The following SLC7A1 variants were observed in gnomAD, a reference collection of about 807,000 sequenced individuals.
SLC7A1 encodes the protein high affinity cationic amino acid transporter 1.
A neutral mutation model predicts 53.9 loss-of-function variants in SLC7A1; 10 were observed. That is an observed-to-expected ratio of 0.19 (90% CI 0.11 to 0.31). The LOEUF (loss-of-function observed/expected upper bound fraction) is 0.31, where lower values mean the gene tolerates loss of function less well. Among genes scored for constraint, SLC7A1 ranks in the 10% least tolerant of loss-of-function variants. The pLI is 1.00. For synonymous variants in SLC7A1, 342 were observed against 338.7 expected (o/e 1.01, Z -0.11); for missense variants, 525 against 827.2 (o/e 0.63, Z 4.48).
chr13:29,515,575 A>C (rs1883528424), intron 12 of SLC7A1, among the ~76,000 whole-genome samples: 1 of 152,166 alleles, frequency 6.6e-6, no homozygotes, highest in Non-Finnish European at 1.5e-5. Context: ...CAGCACTATG[A>C]CTCAGATGCT....
intron 3 of SLC7A1, among the ~76,000 whole-genome samples, chr13:29,533,695 G>A (rs144453591): frequency 0.026 from 3,926 of 152,180 alleles, 87 homozygotes; most frequent in Non-Finnish European, 0.038. Flanking sequence ...ACCCTCCGGT[G>A]CCGAAGAACA....
At chr13:29,561,630 A>G (rs1870761518) in intron 1 of SLC7A1, among the ~76,000 whole-genome samples, 1 of 152,200 alleles carries the variant, frequency 6.6e-6, no homozygotes, top group African/African-American at 2.4e-5. Flanking sequence ...AGACTGAAAT[A>G]ACTTTTCTGT....
chr13:29,546,884 C>A (rs1427354792), intron 2 of SLC7A1, among the ~76,000 whole-genome samples: 2 of 152,228 alleles, frequency 1.3e-5, no homozygotes, highest in Non-Finnish European at 2.9e-5. Flanking sequence ...CCACGCCACA[C>A]ACATGCACTG....
At chr13:29,578,867 T>G (rs1871523398) in intron 1 of SLC7A1, among the ~76,000 whole-genome samples, 1 of 152,216 alleles carries the variant, frequency 6.6e-6, no homozygotes, top group South Asian at 2.1e-4. Context: ...GCCCTGCCCT[T>G]CTCTCCGCAG....
intron 1 of SLC7A1, among the ~76,000 whole-genome samples, chr13:29,574,504 C>T (rs561325571): frequency 3.3e-5 from 5 of 152,332 alleles, no homozygotes; most frequent in African/African-American, 1.2e-4. Flanking sequence ...CACCCAATAC[C>T]TGTGGAACAC....
chr13:29,527,038 C>T (rs1868925176), intron 5 of SLC7A1, among the ~76,000 whole-genome samples: 1 of 150,264 alleles, frequency 6.7e-6, no homozygotes, highest in Non-Finnish European at 1.5e-5. Flanking sequence ...GTGCCGGGAC[C>T]CTGGGCAACC....
Position 29,512,322 on chromosome 13 carries a change from G to A in SLC7A1, c.*2158C>T, listed in dbSNP as rs905656065. The A allele has an allele frequency of 4.6e-5, 7 of 152,218 alleles. No homozygotes were observed. Among genetic ancestry groups the A allele is most frequent in the Non-Finnish European group, 1.0e-4 (7 of 68,054 alleles). 9.4% of individuals were successfully genotyped at this position (152,218 alleles called of 1,614,324 possible). On this transcript the variant is annotated 3_prime_UTR_variant, in exon 13 of 13. Coordinates refer to ENST00000380752, the MANE Select transcript of SLC7A1 (RefSeq NM_003045.5). ...CTCCCAGCTGTCAGCACGCTGTCAT[G>A]ATGAGACTTGGAGCAGGGGAGACGC... is the stretch of plus-strand genomic sequence containing the variant.
At chr13:29,581,626 G>C (rs573232301) in intron 1 of SLC7A1, among the ~76,000 whole-genome samples, 2 of 152,300 alleles carry the variant, frequency 1.3e-5, no homozygotes, top group Admixed American at 1.3e-4. Context: ...TGGCATTCTG[G>C]TTTAAGGTCT....
At chr13:29,555,923 T>C (rs1348102733) in intron 1 of SLC7A1, among the ~76,000 whole-genome samples, 1 of 152,190 alleles carries the variant, frequency 6.6e-6, no homozygotes, top group African/African-American at 2.4e-5. Context: ...GAATCCTAAA[T>C]GTGCAGACTG....
chr13:29,557,515 C>G (rs984574136), intron 1 of SLC7A1, among the ~76,000 whole-genome samples: 1 of 151,928 alleles, frequency 6.6e-6, no homozygotes, highest in Non-Finnish European at 1.5e-5. Flanking sequence ...AGGCAACAGT[C>G]ACACAATGGT....
At chr13:29,566,770 T>C (rs1779065733) in intron 1 of SLC7A1, among the ~76,000 whole-genome samples, 1 of 152,238 alleles carries the variant, frequency 6.6e-6, no homozygotes, top group Admixed American at 6.5e-5. Flanking sequence ...ATCAGATTTA[T>C]AAAACTATTT....
intron 1 of SLC7A1, among the ~76,000 whole-genome samples, chr13:29,560,316 T>C (rs1245236731): frequency 2.0e-5 from 3 of 152,220 alleles, no homozygotes; most frequent in South Asian, 2.1e-4. Context: ...GTGATAACAA[T>C]GCCTTCTTCT....
rs759758449 is a variant in SLC7A1, at chr13:29,519,476, C to T, written c.1263G>A (p.Ser421=). The change falls in exon 9 of 13, where the codon TCG becomes TCA. Residue 421 remains serine (S), a synonymous_variant. Transcript: ENST00000380752. ...LMSIGTLLAY[S]LVAACVLVLR... ...AGACCAACACACAGGCAGCCACCAACGAGTAAGCCAGGAGAGTGCCAATGG... is the reference window on the plus strand; with the variant it reads ...AGACCAACACACAGGCAGCCACCAATGAGTAAGCCAGGAGAGTGCCAATGG... 40 of 1,613,268 alleles carry T rather than the reference C, an allele frequency of 2.5e-5. No homozygotes were observed. The highest frequency in any genetic ancestry group is 3.3e-5 in the Non-Finnish European group (39 of 1,179,440).
At chr13:29,585,490 A>G (rs1430811967) in intron 1 of SLC7A1, among the ~76,000 whole-genome samples, 1 of 152,204 alleles carries the variant, frequency 6.6e-6, no homozygotes, top group African/African-American at 2.4e-5. Context: ...CTATATATCA[A>G]TATGTGTGCC....
intron 5 of SLC7A1, among the ~76,000 whole-genome samples, chr13:29,528,789 G>A (rs1435458231): frequency 6.6e-6 from 1 of 152,190 alleles, no homozygotes; most frequent in Non-Finnish European, 1.5e-5. Flanking sequence ...AGCTAAGGGG[G>A]CCCCACCTAT....
At chr13:29,545,979 G>T (rs923551836) in intron 2 of SLC7A1, among the ~76,000 whole-genome samples, 3 of 152,224 alleles carry the variant, frequency 2.0e-5, no homozygotes, top group Non-Finnish European at 4.4e-5. Flanking sequence ...TTCATCAGGA[G>T]AGACGCCCAC....
chr13:29,522,424 A>G lies in SLC7A1; in HGVS notation c.1082T>C (p.Val361Ala), dbSNP rs963940936. The change falls in exon 8 of 13, where the codon GTT becomes GCT. Residue 361 changes from valine to alanine, a missense_variant. Physicochemically the swap from Val to Ala is moderately conservative, Grantham distance 64. Coordinates refer to ENST00000380752, the MANE Select transcript of SLC7A1 (RefSeq NM_003045.5). The part of the protein sequence containing the change: ...LLGSMFPMPR[V>A]IYAMAEDGLL... Reference sequence around the variant, plus strand: ...TCCATCCTCAGCCATGGCATAGATAACCCGAGGCATGGGAAACATGGAACC... The same window carrying G: ...TCCATCCTCAGCCATGGCATAGATAGCCCGAGGCATGGGAAACATGGAACC... 1 of 1,614,208 alleles carries G rather than the reference A, an allele frequency of 6.2e-7. No individual in the cohort carries two copies.
At chr13:29,568,551 C>A (rs576787262) in intron 1 of SLC7A1, among the ~76,000 whole-genome samples, 2 of 152,354 alleles carry the variant, frequency 1.3e-5, no homozygotes, top group Admixed American at 1.3e-4. Flanking sequence ...AACGCATGTG[C>A]ATTCCCTAAA....
chr13:29,542,000 A>G (rs1593554845), intron 2 of SLC7A1, among the ~76,000 whole-genome samples: 1 of 152,346 alleles, frequency 6.6e-6, no homozygotes, highest in East Asian at 1.9e-4. Context: ...ATTCACTATC[A>G]TAATACTTTT....
Sources: allele counts gnomAD v4.1 joint callset (sites outside exome capture counted in the v4.1 genomes callset), GRCh38; gene constraint gnomAD v4.1.1; transcripts MANE v1.5; gene names NCBI Gene and HGNC (gene_info 2026-07-23, HGNC 2026-07-21).